Variants in TCF7L1 observed in about 807,000 individuals in gnomAD.
TCF7L1 encodes transcription factor 7 like 1, also known as transcription factor 7-like 1.
Under a neutral mutation model 63.7 loss-of-function variants are expected in TCF7L1, and 18 were observed. That is an observed-to-expected ratio of 0.28 (90% CI 0.20 to 0.42). TCF7L1 has a LOEUF of 0.42. Ranked by LOEUF, TCF7L1 falls within the 10% of genes least tolerant of loss-of-function variation. The pLI, the probability that TCF7L1 is intolerant of heterozygous loss-of-function variation, is 1.00. For synonymous variants in TCF7L1, 355 were observed against 340.9 expected (o/e 1.04, Z -0.46); for missense variants, 654 against 779.3 (o/e 0.84, Z 1.91).
chr2:85,134,099 G>GC lies in TCF7L1; in HGVS notation c.313+26dup, dbSNP rs769841793. 6.8e-6 allele frequency: 11 copies of GC among 1,607,052 alleles called. No homozygotes were observed. Among genetic ancestry groups the GC allele is most frequent in the East Asian group, 2.3e-5 (1 of 44,376 alleles). On this transcript the variant is annotated intron_variant, in intron 2 of 11. Coordinates refer to ENST00000282111, the MANE Select transcript of TCF7L1 (RefSeq NM_031283.3). This position sits in a 1 kb window ranked among gnomAD's most constrained non-coding sequence, Gnocchi z 5.0. The stretch of plus-strand genomic sequence containing the variant: ...CCGAAGGTATGTGCCCGCTGGGACA[G>GC]CCCCCCACTCTCGATTCCCGCTGCG...
chr2:85,226,913 A>T (rs760391915), intron 3 of TCF7L1, among the ~76,000 whole-genome samples: 3 of 151,504 alleles, frequency 2.0e-5, no homozygotes, highest in Admixed American at 6.6e-5. Context: ...TCATAAATTG[A>T]ACACAAGGTC....
intron 3 of TCF7L1, among the ~76,000 whole-genome samples, chr2:85,204,420 G>A (rs112910280): frequency 0.025 from 3,742 of 150,710 alleles, 156 homozygotes; most frequent in African/African-American, 0.086. Context: ...GCATTCCCAT[G>A]TTGGTAGGCA....
Position 85,156,317 on chromosome 2 carries a change from T to C in TCF7L1, c.441+21867T>C, listed in dbSNP as rs541680709. ...CCACTAAGTCAAAGGGATTTGCACA[T>C]TTGGCAAAATGCCCTCTTCCTCAGG... is the stretch of plus-strand genomic sequence containing the variant. On this transcript the variant is annotated intron_variant, in intron 3 of 11. Transcript: ENST00000282111. 2.0e-5 allele frequency among the ~76,000 whole-genome samples: 3 copies of C among 152,308 alleles called. No homozygotes were observed. The South Asian group carries it at 6.2e-4, about 32-fold the overall frequency.
intron 4 of TCF7L1, among the ~76,000 whole-genome samples, chr2:85,289,107 C>T (rs1018507165): frequency 2.0e-5 from 3 of 152,058 alleles, no homozygotes; most frequent in South Asian, 2.1e-4. Context: ...TTTTTGAAAC[C>T]GTAAAAGTAA....
chr2:85,238,113 G>C (rs577748102), intron 3 of TCF7L1, among the ~76,000 whole-genome samples: 2 of 151,818 alleles, frequency 1.3e-5, no homozygotes, highest in South Asian at 2.1e-4. Flanking sequence ...GAGCAGCCCT[G>C]GCGCAGTGGC....
intron 3 of TCF7L1, among the ~76,000 whole-genome samples, chr2:85,189,796 A>G (rs1004804343): frequency 9.9e-5 from 15 of 152,056 alleles, no homozygotes; most frequent in Non-Finnish European, 1.9e-4. Flanking sequence ...CCGCCTGGAC[A>G]CAATCAGCTG....
chr2:85,145,785 CA>C (rs1338626409), intron 3 of TCF7L1, among the ~76,000 whole-genome samples: 1 of 152,254 alleles, frequency 6.6e-6, no homozygotes, highest in African/African-American at 2.4e-5. Context: ...CATCTTCTAC[CA>C]CTCAGGGAAG....
chr2:85,248,681 T>C (rs1680523950), intron 3 of TCF7L1, among the ~76,000 whole-genome samples: 1 of 152,180 alleles, frequency 6.6e-6, no homozygotes, highest in African/African-American at 2.4e-5. Context: ...ACCATCAAGA[T>C]TGCTAGCGTT....
rs201266819 is a variant in TCF7L1, at chr2:85,305,413, C to T, written c.989+10C>T. The T allele has an allele frequency of 1.8e-5, 29 of 1,598,776 alleles. No homozygotes were observed. Among genetic ancestry groups the T allele is most frequent in the South Asian group, 2.3e-5 (2 of 88,866 alleles). On this transcript the variant is annotated intron_variant, in intron 8 of 11. Transcript: ENST00000282111. The stretch of plus-strand genomic sequence containing the variant: ...GCCCTGCAGTGAGCGTGTAAGTAAG[C>T]GGCAGCCTGGATTCAGGTGGGAGGG...
rs1681476877 is a variant in TCF7L1, at chr2:85,283,667, T to TG, written c.525+93dup. 4.3e-6 allele frequency: 6 copies of TG among 1,391,870 alleles called. No individual in the cohort carries two copies. The South Asian group carries it at 6.9e-5, about 16-fold the overall frequency. 86.2% of individuals were successfully genotyped at this position (1,391,870 alleles called of 1,614,324 possible). A position where few individuals can be genotyped will look rare whatever the true frequency, so the allele number is the denominator to read the frequency against. On this transcript the variant is annotated intron_variant, in intron 4 of 11. Transcript: ENST00000282111. ...CCTTCTGCCATCACGCTGAAGCAGA[T>TG]GGGGTCCAACAGTGTTTCCTCAAAT...
At chr2:85,182,698 A>G (rs760588923) in intron 3 of TCF7L1, among the ~76,000 whole-genome samples, 30 of 152,288 alleles carry the variant, frequency 2.0e-4, no homozygotes, top group Middle Eastern at 3.4e-3. Context: ...TAACACCCCG[A>G]ATGGCTTAGC....
intron 3 of TCF7L1, among the ~76,000 whole-genome samples, chr2:85,202,938 A>G (rs1679308017): frequency 6.6e-6 from 1 of 152,000 alleles, no homozygotes; most frequent in Non-Finnish European, 1.5e-5. Flanking sequence ...GGTTCACGCC[A>G]TTCTCCTGCC....
chr2:85,166,969 G>T (rs1574087231), intron 3 of TCF7L1: 1 of 152,220 alleles, frequency 6.6e-6, no homozygotes, highest in African/African-American at 2.4e-5. Flanking sequence ...CGTGATCTCG[G>T]CTCACTGCAA....
Position 85,292,470 on chromosome 2 carries a change from A to G in TCF7L1, c.525+8892A>G, listed in dbSNP as rs114097040. ...AAAAAAAGAACAAAATTTAAAAGCT[A>G]TAAAAACAATCCCACATGGCAGGTT... On this transcript the variant is annotated intron_variant, in intron 4 of 11. Coordinates refer to ENST00000282111, the MANE Select transcript of TCF7L1 (RefSeq NM_031283.3). Among the ~76,000 whole-genome samples, 1,273 of 152,386 alleles carry G rather than the reference A, an allele frequency of 8.4e-3. 5 individuals carry two copies. Among genetic ancestry groups the G allele is most frequent in the Non-Finnish European group, 0.014 (932 of 68,034 alleles).
intron 3 of TCF7L1, among the ~76,000 whole-genome samples, chr2:85,181,481 A>G (rs1431768674): frequency 6.6e-6 from 1 of 152,182 alleles, no homozygotes; most frequent in Admixed American, 6.5e-5. Context: ...CCCGGAGGAA[A>G]AAAAGAACTA....
chr2:85,262,108 C>T, intron 3 of TCF7L1: 1 of 543,606 alleles, frequency 1.8e-6, no homozygotes, highest in Non-Finnish European at 3.7e-6. Context: ...GTTTTCTTGA[C>T]TTTGTTTTAG....
At chr2:85,151,221 G>C (rs897009178) in intron 3 of TCF7L1, among the ~76,000 whole-genome samples, 1 of 152,120 alleles carries the variant, frequency 6.6e-6, no homozygotes, top group Non-Finnish European at 1.5e-5. Flanking sequence ...TTTTTCATAG[G>C]ATGTGAGTAA....
At chr2:85,153,340 ATTT>A (rs66697146) in intron 3 of TCF7L1, among the ~76,000 whole-genome samples, 2 of 102,298 alleles carry the variant, frequency 2.0e-5, no homozygotes, top group South Asian at 3.2e-4. Context: ...GCCTTTATAA[ATTT>A]TTTTTTTTTT....
chr2:85,294,208 T>C (rs571757564), intron 4 of TCF7L1, among the ~76,000 whole-genome samples: 1 of 151,974 alleles, frequency 6.6e-6, no homozygotes, highest in East Asian at 1.9e-4. Flanking sequence ...GGCTAATTTT[T>C]TGTGTTTTTA....
Sources: allele counts gnomAD v4.1 joint callset (sites outside exome capture counted in the v4.1 genomes callset), GRCh38; gene constraint gnomAD v4.1.1; non-coding constraint Gnocchi (gnomAD v3.1); transcripts MANE v1.5; gene names NCBI Gene and HGNC (gene_info 2026-07-23, HGNC 2026-07-21).